Variants in MAPK14 observed in about 807,000 individuals in gnomAD.
MAPK14 encodes the protein mitogen-activated protein kinase 14.
MAPK14 carries 16 observed loss-of-function variants against 49.6 expected under a neutral mutation model. That is an observed-to-expected ratio of 0.32 (90% CI 0.22 to 0.49). The LOEUF (loss-of-function observed/expected upper bound fraction) is 0.49, where lower values mean the gene tolerates loss of function less well. MAPK14 is among the 20% of genes least tolerant of loss of function. The pLI, the probability that MAPK14 is intolerant of heterozygous loss-of-function variation, is 0.99. For missense variants in MAPK14, 200 were observed against 441.2 expected (o/e 0.45, Z 4.90); for synonymous variants, 142 against 158.0 (o/e 0.90, Z 0.76).
chr6:36,073,801 C>T, intron 5 of MAPK14, 81 bp downstream of exon 5: 4 of 1,390,616 alleles, frequency 2.9e-6, no homozygotes, highest in Non-Finnish European at 4.0e-6. Context: ...AGATCCTAAT[C>T]TAAACTTTAG....
At chr6:36,121,798 T>A in the MAPK14 span, among the ~76,000 whole-genome samples, 1 of 152,224 alleles carries the variant, frequency 6.6e-6, no homozygotes, top group African/African-American at 2.4e-5. Flanking sequence ...TGGGCAAGAC[T>A]ACCTGGTCTT....
intron 8 of MAPK14, among the ~76,000 whole-genome samples, chr6:36,079,050 T>TA (rs1276636115): frequency 6.6e-6 from 1 of 152,250 alleles, no homozygotes; most frequent in Non-Finnish European, 1.5e-5. Context: ...AACTAGAGTT[T>TA]AACCCAGTTG....
intron 1 of MAPK14, among the ~76,000 whole-genome samples, chr6:36,049,399 C>T (rs950283708): frequency 3.9e-5 from 6 of 152,050 alleles, no homozygotes; most frequent in African/African-American, 9.7e-5. Flanking sequence ...TCAATGCTGC[C>T]GGTCCATGGA....
chr6:36,088,403 A>C (rs1401233259), intron 8 of MAPK14, among the ~76,000 whole-genome samples: 1 of 152,154 alleles, frequency 6.6e-6, no homozygotes, highest in Non-Finnish European at 1.5e-5. Flanking sequence ...AATTTAAACA[A>C]ATTTACAAGG....
intron 2 of MAPK14, among the ~76,000 whole-genome samples, chr6:36,054,847 G>A (rs1251215413): frequency 1.3e-5 from 2 of 152,052 alleles, no homozygotes; most frequent in East Asian, 3.8e-4. Flanking sequence ...TTTTATAGCG[G>A]CCAAACCTCC....
chr6:36,033,321 T>C (rs1296496085), intron 1 of MAPK14, among the ~76,000 whole-genome samples: 2 of 47,650 alleles, frequency 4.2e-5, no homozygotes, highest in African/African-American at 9.2e-5. Context: ...ATTTTTCCAC[T>C]TTTTTTTTTT....
chr6:36,070,227 T>C (rs971977320), intron 3 of MAPK14, among the ~76,000 whole-genome samples: 3 of 152,222 alleles, frequency 2.0e-5, no homozygotes, highest in African/African-American at 7.2e-5. Context: ...TTTAAAAAGG[T>C]CATTCCCTTG....
At chr6:36,086,983 G>A (rs148823591) in intron 8 of MAPK14, among the ~76,000 whole-genome samples, 1 of 152,324 alleles carries the variant, frequency 6.6e-6, no homozygotes, top group Non-Finnish European at 1.5e-5. Flanking sequence ...ATGCAAGGCT[G>A]TTTTAACATA....
chr6:36,122,165 T>C, the MAPK14 span, among the ~76,000 whole-genome samples: 17 of 152,362 alleles, frequency 1.1e-4, no homozygotes, highest in South Asian at 1.0e-3. Context: ...CCAAGGTCCA[T>C]AGGGCTTCTG....
intron 1 of MAPK14, among the ~76,000 whole-genome samples, chr6:36,047,726 T>C (rs1290473200): frequency 2.7e-5 from 4 of 150,356 alleles, no homozygotes; most frequent in Non-Finnish European, 3.0e-5. Context: ...TGGTGGCCCA[T>C]GCCTGACTAA....
At chr6:36,102,769 G>T in intron 10 of MAPK14, 120 bp downstream of exon 10, 1 of 1,543,410 alleles carries the variant, frequency 6.5e-7, no homozygotes, top group Non-Finnish European at 8.7e-7. Flanking sequence ...ATCTTGGAAG[G>T]TGATAAATAC....
chr6:36,084,187 C>T (rs1008733871), intron 8 of MAPK14, among the ~76,000 whole-genome samples: 2 of 152,172 alleles, frequency 1.3e-5, no homozygotes, highest in African/African-American at 4.8e-5. Flanking sequence ...CAAAACCCCT[C>T]CAAAGGTTAG....
rs936758187 is a variant in MAPK14, at chr6:36,109,572, T to A, written c.*1125T>A. On this transcript the variant is annotated 3_prime_UTR_variant, in exon 12 of 12. Coordinates refer to ENST00000229794, the MANE Select transcript of MAPK14 (RefSeq NM_139012.3). ...ATTCTGTGTTGAACACAATTGATAC[T>A]TCAGGTGCTTTTGATGTGAAAATCA... 6.6e-6 allele frequency: 1 copy of A among 152,654 alleles called. No individual in the cohort carries two copies. Among genetic ancestry groups the A allele is most frequent in the African/African-American group, 2.4e-5 (1 of 41,448 alleles). The allele number at this position is 152,654 out of a possible 1,614,324, so 9.5% of individuals were successfully genotyped here. A position where few individuals can be genotyped will look rare whatever the true frequency, so the allele number is the denominator to read the frequency against.
At chr6:36,119,068 C>T in the MAPK14 span, among the ~76,000 whole-genome samples, 1 of 152,198 alleles carries the variant, frequency 6.6e-6, no homozygotes, top group Non-Finnish European at 1.5e-5. Flanking sequence ...TATCCCACTA[C>T]CTGGAAATAA....
chr6:36,119,607 T>TC, the MAPK14 span, among the ~76,000 whole-genome samples: 1 of 152,136 alleles, frequency 6.6e-6, no homozygotes, highest in African/African-American at 2.4e-5. Context: ...CTAGAATGAT[T>TC]CCCCCACCAC....
intron 5 of MAPK14, 89 bp downstream of exon 5, chr6:36,073,809 T>C (rs1379538726): frequency 2.2e-6 from 3 of 1,345,178 alleles, no homozygotes; most frequent in Non-Finnish European, 3.1e-6. Context: ...ATCTAAACTT[T>C]AGCCATTGAA....
intron 2 of MAPK14, 132 bp from the exon 3 acceptor site, chr6:36,059,157 T>TG (rs1307489607): frequency 3.7e-6 from 2 of 533,912 alleles, no homozygotes; most frequent in Admixed American, 6.9e-5. Flanking sequence ...CCCAAAGTGT[T>TG]GGGATTACAG....
At position 36,045,153 on chromosome 6, in the gene MAPK14, G is replaced by A. The variant is rs1198447426; in HGVS notation, c.117-7546G>A. Among the ~76,000 whole-genome samples, 8 of 150,684 alleles carry A rather than the reference G, an allele frequency of 5.3e-5. No individual in the cohort carries two copies. The South Asian group carries it at 1.0e-3, about 20-fold the overall frequency. On this transcript the variant is annotated intron_variant, in intron 1 of 11. Transcript: ENST00000229794. ...AAAGAAAAAAAAAAAAAGCAACACC[G>A]TAATATTTTGTACTCCTACCCTCTT...
In MAPK14 at chr6:36,072,958, A is replaced by G; in HGVS notation, c.391A>G (p.Ile131Val). 2 of 1,610,906 alleles carry G rather than the reference A, an allele frequency of 1.2e-6. No individual in the cohort carries two copies. Among genetic ancestry groups the G allele is most frequent in the Non-Finnish European group, 1.7e-6 (2 of 1,177,268 alleles). ...TACAGATGACCATGTTCAGTTCCTTATCTACCAAATTCTCCGAGGTCTAAA... is the reference window on the plus strand; with the variant it reads ...TACAGATGACCATGTTCAGTTCCTTGTCTACCAAATTCTCCGAGGTCTAAA... ...KLTDDHVQFLIYQILRGLKYI... is the reference protein window; with the variant it reads ...KLTDDHVQFLVYQILRGLKYI... The change falls in exon 4 of 12, where the codon ATC becomes GTC. Residue 131 changes from isoleucine to valine, a missense_variant. By Grantham distance (29) the Ile-to-Val change is conservative. Transcript: ENST00000229794.
Sources: gnomAD v4.1 joint callset for allele counts (sites outside exome capture counted in the v4.1 genomes callset) on GRCh38, gnomAD v4.1.1 for gene constraint, MANE v1.5 for transcripts, NCBI Gene and HGNC (gene_info 2026-07-23, HGNC 2026-07-21) for gene names.